PSMA6: variants seen among roughly 807,000 people sequenced by gnomAD.
The protein encoded by PSMA6 is proteasome 20S subunit alpha 6, also known as proteasome subunit alpha type-6.
For missense variants in PSMA6, 170 were observed against 294.8 expected, an observed-to-expected ratio of 0.58 and a Z score of 3.10; for synonymous variants, 88 against 97.7, an observed-to-expected ratio of 0.90 and a Z score of 0.59.
At chr14:35,292,620 A>G in intron 1 of PSMA6, 68 bp downstream of exon 1, 2 of 1,577,456 alleles carry the variant, frequency 1.3e-6, no homozygotes, top group Non-Finnish European at 1.7e-6. Flanking sequence ...TGGAGCGAGC[A>G]GACGCGGCCC....
intron 4 of PSMA6, among the ~76,000 whole-genome samples, chr14:35,311,955 T>G (rs1171704310): frequency 6.6e-6 from 1 of 152,120 alleles, no homozygotes; most frequent in East Asian, 1.9e-4. Context: ...AAAGTATTTC[T>G]TGGTCAAACA....
chr14:35,312,655 A>G (rs1389616499), intron 4 of PSMA6: 2 of 444,056 alleles, frequency 4.5e-6, no homozygotes, highest in Admixed American at 8.5e-5. Flanking sequence ...TATTCAAACT[A>G]TTTTTTTTAA....
intron 1 of PSMA6, among the ~76,000 whole-genome samples, chr14:35,298,986 G>A (rs571134546): frequency 1.3e-5 from 2 of 151,378 alleles, no homozygotes; most frequent in East Asian, 3.9e-4. Context: ...CACCTGCCTC[G>A]GCCTCCCGAA....
chr14:35,281,772 T>A (rs577197646), intron 1 of PSMA6, among the ~76,000 whole-genome samples: 27 of 152,306 alleles, frequency 1.8e-4, no homozygotes, highest in African/African-American at 5.3e-4. Flanking sequence ...AAATTTTTTT[T>A]TAAATTATAA....
At chr14:35,295,594 A>G (rs1566553213) in intron 1 of PSMA6, among the ~76,000 whole-genome samples, 1 of 151,770 alleles carries the variant, frequency 6.6e-6, no homozygotes, top group Non-Finnish European at 1.5e-5. Context: ...CTGGGATTAC[A>G]GACATGTGCC....
At chr14:35,291,773 A>G (rs1419942744), upstream of PSMA6, among the ~76,000 whole-genome samples, 1 of 146,228 alleles carries the variant, frequency 6.8e-6, no homozygotes. Context: ...CAGTCAGCCG[A>G]GATCGCGCCA....
chr14:35,290,217 G>A (rs2051462928), upstream of PSMA6, among the ~76,000 whole-genome samples: 1 of 152,172 alleles, frequency 6.6e-6, no homozygotes, highest in South Asian at 2.1e-4. Flanking sequence ...TCAGTATAGA[G>A]CCAGCTGTTG....
chr14:35,307,137 G>A (rs1228528166), intron 1 of PSMA6, among the ~76,000 whole-genome samples: 1 of 152,122 alleles, frequency 6.6e-6, no homozygotes, highest in Non-Finnish European at 1.5e-5. Context: ...GACAGAGCGA[G>A]ACTCCATCTC....
chr14:35,313,396 C>G (rs777498200), intron 5 of PSMA6: 1 of 188,770 alleles, frequency 5.3e-6, no homozygotes, highest in East Asian at 1.3e-4. Context: ...TCTAGGTGTT[C>G]GAGGCCAGTC....
chr14:35,293,485 G>A (rs536367059), intron 1 of PSMA6, among the ~76,000 whole-genome samples: 25 of 152,168 alleles, frequency 1.6e-4, no homozygotes, highest in Non-Finnish European at 3.4e-4. Context: ...TGAGTTTAGT[G>A]GCTCCGTGTC....
At chr14:35,313,583 G>A (rs1467772341) in intron 5 of PSMA6, 1 of 152,204 alleles carries the variant, frequency 6.6e-6, no homozygotes, top group African/African-American at 2.4e-5. Context: ...TAAAAAGCTA[G>A]TTCATGTTCA....
intron 4 of PSMA6, among the ~76,000 whole-genome samples, chr14:35,311,248 C>T (rs549071425): frequency 5.3e-5 from 8 of 152,298 alleles, no homozygotes; most frequent in Non-Finnish European, 1.2e-4. Context: ...AATAATGTAG[C>T]TGTTTGTTTT....
intron 2 of PSMA6, among the ~76,000 whole-genome samples, chr14:35,308,614 A>G (rs2051878853): frequency 6.6e-6 from 1 of 152,188 alleles, no homozygotes. Flanking sequence ...TGGCGTGATT[A>G]TAAGCATAAC....
At chr14:35,313,319 C>T in intron 5 of PSMA6, 2 of 322,982 alleles carry the variant, frequency 6.2e-6, no homozygotes, top group Non-Finnish European at 1.1e-5. Context: ...TAGGAACCAG[C>T]TGGGCATGGT....
chr14:35,313,181 A>G (rs1189563299), intron 5 of PSMA6, 122 bp downstream of exon 5: 3 of 907,136 alleles, frequency 3.3e-6, no homozygotes, highest in African/African-American at 1.8e-5. Context: ...CAACTTAATA[A>G]TGAAATTGAT....
At chr14:35,302,702 T>C (rs1252557963) in intron 1 of PSMA6, among the ~76,000 whole-genome samples, 1 of 152,178 alleles carries the variant, frequency 6.6e-6, no homozygotes, top group Non-Finnish European at 1.5e-5. Context: ...GTTGTTTTTT[T>C]CAACTATTTT....
At chr14:35,314,491 G>C in intron 6 of PSMA6, 36 bp downstream of exon 6, 1 of 1,589,730 alleles carries the variant, frequency 6.3e-7, no homozygotes, top group Non-Finnish European at 8.6e-7. Flanking sequence ...AGACTAGAAA[G>C]GTGGAGGCGT....
intron 1 of PSMA6, among the ~76,000 whole-genome samples, chr14:35,283,377 AAGAG>A (rs1167918396): frequency 3.7e-4 from 56 of 151,540 alleles, no homozygotes; most frequent in East Asian, 1.8e-3. Flanking sequence ...AAAAAAAAAA[AAGAG>A]AGAGAAAGAG....
chr14:35,314,176 G>C lies in PSMA6; in HGVS notation c.589-185G>C, dbSNP rs1566564012. 5 of 498,334 alleles carry C rather than the reference G, an allele frequency of 1.0e-5. No individual in the cohort carries two copies. The South Asian group carries it at 2.0e-4, about 20-fold the overall frequency. 30.9% of individuals were successfully genotyped at this position (498,334 alleles called of 1,614,324 possible). A position where few individuals can be genotyped will look rare whatever the true frequency, so the allele number is the denominator to read the frequency against. On this transcript the variant is annotated intron_variant, in intron 5 of 6. Transcript: ENST00000261479. Reference sequence around the variant, plus strand: ...AATGGACCCCTTTATTATTTGACTTGGTAGAAAAAAATTTCTCATCATTGG... The same window carrying C: ...AATGGACCCCTTTATTATTTGACTTCGTAGAAAAAAATTTCTCATCATTGG...
Sources: allele counts gnomAD v4.1 joint callset (sites outside exome capture counted in the v4.1 genomes callset), GRCh38; gene constraint gnomAD v4.1.1; transcripts MANE v1.5; gene names NCBI Gene and HGNC (gene_info 2026-07-23, HGNC 2026-07-21).